The following FANCC variants were observed in gnomAD, a reference collection of about 807,000 sequenced individuals.
FANCC encodes the protein FA complementation group C, also known as Fanconi anemia group C protein.
FANCC carries 55 observed loss-of-function variants against 71.3 expected under a neutral mutation model. That is an observed-to-expected ratio of 0.77 (90% CI 0.62 to 0.97). The LOEUF is 0.97. FANCC is among the 50% of genes least tolerant of loss of function. FANCC has a pLI of 0.00. For missense variants in FANCC, 678 were observed against 670.9 expected, an observed-to-expected ratio of 1.01 and a Z score of -0.12; for synonymous variants, 275 against 244.9, an observed-to-expected ratio of 1.12 and a Z score of -1.15.
chr9:95,240,316 T>A (rs1288496024), intron 4 of FANCC, among the ~76,000 whole-genome samples: 1 of 152,136 alleles, frequency 6.6e-6, no homozygotes, highest in Non-Finnish European at 1.5e-5. Context: ...TTAAACCAGG[T>A]TGATAGGGAA....
intron 4 of FANCC, among the ~76,000 whole-genome samples, chr9:95,215,194 A>G (rs1828782275): frequency 6.6e-6 from 1 of 152,224 alleles, no homozygotes; most frequent in Admixed American, 6.5e-5. Flanking sequence ...CTGCAGTAAT[A>G]ACTAGATAAA....
rs901982853 is a variant in FANCC, at chr9:95,201,807, C to T, written c.346-29660G>A. ...TAAAACTAGCCAAGACACAGAAGGCCACCTACTTAGATAGCTGTAGATCCT... is the reference window on the plus strand; with the variant it reads ...TAAAACTAGCCAAGACACAGAAGGCTACCTACTTAGATAGCTGTAGATCCT... On this transcript the variant is annotated intron_variant, in intron 4 of 14. Transcript: ENST00000289081. Among the ~76,000 whole-genome samples the T allele has an allele frequency of 4.6e-5, 7 of 152,292 alleles. No individual in the cohort carries two copies. In the East Asian group the frequency reaches 1.4e-3, roughly 29 times the overall value.
intron 8 of FANCC, among the ~76,000 whole-genome samples, chr9:95,128,249 C>T (rs958139942): frequency 2.6e-5 from 4 of 152,130 alleles, no homozygotes; most frequent in South Asian, 2.1e-4. Flanking sequence ...GAAAAGCAAC[C>T]GTATGTCTTG....
At chr9:95,179,456 C>T (rs1054035165) in intron 4 of FANCC, among the ~76,000 whole-genome samples, 5 of 152,206 alleles carry the variant, frequency 3.3e-5, no homozygotes, top group African/African-American at 9.7e-5. Context: ...AAGTGATTCT[C>T]CTGCCTCAGC....
intron 4 of FANCC, among the ~76,000 whole-genome samples, chr9:95,206,042 G>A (rs568134682): frequency 6.6e-6 from 1 of 152,222 alleles, no homozygotes; most frequent in East Asian, 1.9e-4. Flanking sequence ...CAGGCTTCAG[G>A]AGTATTAAGA....
chr9:95,204,003 A>G (rs1416472561), intron 4 of FANCC, among the ~76,000 whole-genome samples: 1 of 152,248 alleles, frequency 6.6e-6, no homozygotes, highest in Non-Finnish European at 1.5e-5. Flanking sequence ...TATAACACAA[A>G]AACACAACAA....
At chr9:95,174,179 T>C (rs1825865682) in intron 4 of FANCC, among the ~76,000 whole-genome samples, 1 of 152,108 alleles carries the variant, frequency 6.6e-6, no homozygotes, top group African/African-American at 2.4e-5. Context: ...GGTTCAGTGT[T>C]TGCTGAAGGC....
In FANCC at chr9:95,150,029, T is replaced by G; in HGVS notation, c.580A>C (p.Thr194Pro). ...GCCTCCACCAGGGGGTCAACATCTG[T>G]CAGGGTAATAAGTGGGACACAAACT... ...SRVCVPLITL[T>P]DVDPLVEALL... The change falls in exon 7 of 15, where the codon ACA (threonine) becomes CCA (proline). Residue 194 changes from threonine (T) to proline (P), a missense_variant. Thr to Pro is a conservative substitution (Grantham distance 38). Coordinates refer to ENST00000289081, the MANE Select transcript of FANCC (RefSeq NM_000136.3). 1.2e-6 allele frequency: 2 copies of G among 1,614,034 alleles called. No homozygotes were observed. The highest frequency in any genetic ancestry group is 1.1e-5 in the South Asian group (1 of 91,060).
chr9:95,196,195 T>C (rs537842732), intron 4 of FANCC, among the ~76,000 whole-genome samples: 1 of 152,314 alleles, frequency 6.6e-6, no homozygotes, highest in South Asian at 2.1e-4. Flanking sequence ...GGGGGAAGTA[T>C]TCAATCTTTC....
At chr9:95,237,956 T>G (rs1305621468) in intron 4 of FANCC, among the ~76,000 whole-genome samples, 1 of 152,234 alleles carries the variant, frequency 6.6e-6, no homozygotes, top group Non-Finnish European at 1.5e-5. Flanking sequence ...TCTTTTTATG[T>G]TTTTTAAAGC....
chr9:95,195,006 T>A (rs1827341374), intron 4 of FANCC, among the ~76,000 whole-genome samples: 1 of 151,990 alleles, frequency 6.6e-6, no homozygotes, highest in Non-Finnish European at 1.5e-5. Flanking sequence ...GAGACCAGCC[T>A]GGCCAACATG....
At chr9:95,129,981 C>G (rs1447378295) in intron 8 of FANCC, among the ~76,000 whole-genome samples, 7 of 152,134 alleles carry the variant, frequency 4.6e-5, no homozygotes, top group Admixed American at 4.6e-4. Flanking sequence ...AGAAAGAAAG[C>G]CCATCTTCAT....
At chr9:95,117,670 T>A (rs2072535961) in intron 10 of FANCC, among the ~76,000 whole-genome samples, 1 of 152,160 alleles carries the variant, frequency 6.6e-6, no homozygotes, top group African/African-American at 2.4e-5. Flanking sequence ...CAAATAAATC[T>A]TCTGTTTTGG....
At chr9:95,293,046 G>A (rs1834152421) in intron 1 of FANCC, 4 of 1,597,746 alleles carry the variant, frequency 2.5e-6, no homozygotes, top group Non-Finnish European at 3.4e-6. Flanking sequence ...AAAACCAGAA[G>A]TTATCCAACA....
intron 4 of FANCC, among the ~76,000 whole-genome samples, chr9:95,233,882 C>A (rs1830146554): frequency 6.6e-6 from 1 of 152,192 alleles, no homozygotes; most frequent in Non-Finnish European, 1.5e-5. Flanking sequence ...TATAGATGGT[C>A]ATGTGTCACA....
chr9:95,141,205 G>T (rs549950800), intron 7 of FANCC, among the ~76,000 whole-genome samples: 51 of 151,208 alleles, frequency 3.4e-4, no homozygotes, highest in African/African-American at 1.1e-3. Flanking sequence ...CCAGCCACTC[G>T]GGAGGCTGAG....
At chr9:95,260,586 T>A (rs1208076471) in intron 1 of FANCC, among the ~76,000 whole-genome samples, 1 of 151,492 alleles carries the variant, frequency 6.6e-6, no homozygotes, top group Non-Finnish European at 1.5e-5. Context: ...AAATACCTAA[T>A]GTAGATGACA....
At chr9:95,238,577 GTTTT>G (rs527426175) in intron 4 of FANCC, among the ~76,000 whole-genome samples, 2 of 142,780 alleles carry the variant, frequency 1.4e-5, no homozygotes, top group African/African-American at 5.2e-5. Flanking sequence ...CTTTTTTTTT[GTTTT>G]TTGAGACAGA....
intron 4 of FANCC, among the ~76,000 whole-genome samples, chr9:95,195,196 CAAAAAAAAAAAAAA>C (rs34771312): frequency 2.3e-5 from 1 of 42,616 alleles, no homozygotes; most frequent in Non-Finnish European, 4.4e-5. Flanking sequence ...GACTCCGTCT[CAAAAAAAAAAAAAA>C]AAAAAAAAAA....
Sources: allele counts gnomAD v4.1 joint callset (sites outside exome capture counted in the v4.1 genomes callset), GRCh38; gene constraint gnomAD v4.1.1; transcripts MANE v1.5; gene names NCBI Gene and HGNC (gene_info 2026-07-23, HGNC 2026-07-21).